Variants in PCDH9 observed in about 807,000 individuals in gnomAD.
The protein encoded by PCDH9 is protocadherin-9.
In PCDH9, 24 loss-of-function variants were observed where a neutral mutation model predicts 70.6. That is an observed-to-expected ratio of 0.34 (90% CI 0.25 to 0.48). The LOEUF (loss-of-function observed/expected upper bound fraction) is 0.48. PCDH9 is among the 20% of genes least tolerant of loss of function. The probability of loss-of-function intolerance (pLI) is 0.99; values close to 1 mark genes in which losing one functional copy is unlikely to be tolerated. For missense variants in PCDH9, 1,281 were observed against 1,503.6 expected, an observed-to-expected ratio of 0.85 and a Z score of 2.45; for synonymous variants, 562 against 558.5, an observed-to-expected ratio of 1.01 and a Z score of -0.09.
intron 2 of PCDH9, among the ~76,000 whole-genome samples, chr13:67,025,665 A>T (rs981707356): frequency 1.3e-5 from 2 of 152,126 alleles, no homozygotes; most frequent in African/African-American, 4.8e-5. Flanking sequence ...TGGGAGGAAG[A>T]GGAGGAAGAT....
chr13:67,113,653 C>T (rs975951859), intron 2 of PCDH9, among the ~76,000 whole-genome samples: 8 of 151,948 alleles, frequency 5.3e-5, no homozygotes, highest in Non-Finnish European at 1.2e-4. Context: ...GTTCCCGCCA[C>T]TCTCCTGCCT....
At chr13:66,344,583 G>C (rs962340119) in intron 4 of PCDH9, among the ~76,000 whole-genome samples, 6 of 152,134 alleles carry the variant, frequency 3.9e-5, no homozygotes, top group African/African-American at 1.4e-4. Flanking sequence ...TGCTACCCAA[G>C]TCTCAAGTTA....
chr13:66,596,825 A>G (rs1310177636), intron 4 of PCDH9, among the ~76,000 whole-genome samples: 4 of 148,352 alleles, frequency 2.7e-5, no homozygotes, highest in African/African-American at 4.9e-5. Flanking sequence ...AAAAAAAAAC[A>G]TGGCTTGAGT....
chr13:66,545,661 G>C (rs895285038), intron 4 of PCDH9, among the ~76,000 whole-genome samples: 1 of 152,052 alleles, frequency 6.6e-6, no homozygotes, highest in Non-Finnish European at 1.5e-5. Flanking sequence ...TCAATTGTTT[G>C]TGATGATGTT....
chr13:66,631,412 C>T lies in PCDH9; in HGVS notation c.3139-1G>A. On this transcript the variant is annotated splice_acceptor_variant, in intron 3 of 4. Coordinates refer to ENST00000377865, the MANE Select transcript of PCDH9 (RefSeq NM_203487.3). LOFTEE classifies it high-confidence loss of function. ...GATGAAACGTAACACGGCGCTGCGACTACAAAGAAGACCACAGGACATGCT... is the reference window on the plus strand; with the variant it reads ...GATGAAACGTAACACGGCGCTGCGATTACAAAGAAGACCACAGGACATGCT... 6.3e-7 allele frequency: 1 copy of T among 1,590,738 alleles called. No individual in the cohort carries two copies. Among genetic ancestry groups the T allele is most frequent in the Non-Finnish European group, 8.6e-7 (1 of 1,159,154 alleles).
At chr13:66,381,141 C>T (rs1956841797) in intron 4 of PCDH9, among the ~76,000 whole-genome samples, 1 of 152,210 alleles carries the variant, frequency 6.6e-6, no homozygotes, top group Non-Finnish European at 1.5e-5. Context: ...CTGAGACCAT[C>T]ATTTTGGCAA....
intron 2 of PCDH9, among the ~76,000 whole-genome samples, chr13:67,011,090 T>C (rs1413977669): frequency 6.6e-6 from 1 of 152,010 alleles, no homozygotes; most frequent in Admixed American, 6.6e-5. Context: ...CTATTAAATA[T>C]AGTGCCACAT....
rs1046242105 is a variant in PCDH9 at position 66,581,855 on chromosome 13, G to C, written c.3340+49355C>G. On this transcript the variant is annotated intron_variant, in intron 4 of 4. Coordinates refer to ENST00000377865, the MANE Select transcript of PCDH9 (RefSeq NM_203487.3). ...TACATAATAATACAAAACTTATACC[G>C]TCCACCAGTCATCCTATTTAGATCT... 2.0e-5 allele frequency among the ~76,000 whole-genome samples: 3 copies of C among 152,012 alleles called. No individual in the cohort carries two copies. In the South Asian group the frequency reaches 6.2e-4, roughly 32 times the overall value.
chr13:66,723,830 A>G (rs1308443462), intron 3 of PCDH9, among the ~76,000 whole-genome samples: 1 of 152,212 alleles, frequency 6.6e-6, no homozygotes, highest in East Asian at 1.9e-4. Context: ...AGAGCCCAGA[A>G]CCAAGGAGCA....
chr13:66,945,687 A>G (rs542403545), intron 2 of PCDH9, among the ~76,000 whole-genome samples: 1 of 152,154 alleles, frequency 6.6e-6, no homozygotes, highest in Non-Finnish European at 1.5e-5. Flanking sequence ...GGACTCTTGT[A>G]AAATATTTCA....
intron 4 of PCDH9, among the ~76,000 whole-genome samples, chr13:66,528,899 AT>A (rs1416933511): frequency 6.6e-6 from 1 of 152,094 alleles, no homozygotes; most frequent in Admixed American, 6.6e-5. Flanking sequence ...TTTTAAAAAA[AT>A]AACCTCTCAT....
At chr13:66,952,073 A>C (rs1333140683) in intron 2 of PCDH9, among the ~76,000 whole-genome samples, 1 of 152,080 alleles carries the variant, frequency 6.6e-6, no homozygotes, top group East Asian at 1.9e-4. Flanking sequence ...GTTTCTCTGA[A>C]TTTTGTTGTA....
intron 4 of PCDH9, among the ~76,000 whole-genome samples, chr13:66,560,442 G>A (rs757094011): frequency 1.3e-5 from 2 of 150,928 alleles, no homozygotes; most frequent in Non-Finnish European, 2.9e-5. Context: ...GTGCACTCTT[G>A]CTCCTCTCTT....
rs962137609 is a variant in PCDH9 at position 67,224,827 on chromosome 13, G to A, written c.3036+578C>T. On this transcript the variant is annotated intron_variant, in intron 2 of 4. Coordinates refer to ENST00000377865, the MANE Select transcript of PCDH9 (RefSeq NM_203487.3). Reference sequence around the variant, plus strand: ...TTAATATATTACAATAAAATAATTTGAAATCAAAGAGAAGACTTCCTATAT... The same window carrying A: ...TTAATATATTACAATAAAATAATTTAAAATCAAAGAGAAGACTTCCTATAT... 6.6e-6 allele frequency: 6 copies of A among 914,626 alleles called. No homozygotes were observed. The African/African-American group carries it at 1.1e-4, about 17-fold the overall frequency. 56.7% of individuals were successfully genotyped at this position (914,626 alleles called of 1,614,324 possible). A position where few individuals can be genotyped will look rare whatever the true frequency, so the allele number is the denominator to read the frequency against.
chr13:66,999,856 G>A (rs1456130112), intron 2 of PCDH9, among the ~76,000 whole-genome samples: 2 of 152,196 alleles, frequency 1.3e-5, no homozygotes, highest in Admixed American at 6.5e-5. Flanking sequence ...AGAGGATGTG[G>A]AGAAATAGGA....
rs367879976 is a variant in PCDH9, at chr13:66,459,409, G to A, written c.3341-154381C>T. ...AAACAGGTATTCTTTTCTTTCTTCC[G>A]AGTGGAAGCCAATGATTGCAATGCC... On this transcript the variant is annotated intron_variant, in intron 4 of 4. Coordinates refer to ENST00000377865, the MANE Select transcript of PCDH9 (RefSeq NM_203487.3). Among the ~76,000 whole-genome samples the A allele has an allele frequency of 1.1e-4, 17 of 151,966 alleles. No individual in the cohort carries two copies. The East Asian group carries it at 1.5e-3, about 14-fold the overall frequency.
At chr13:66,898,475 CT>C (rs1362874822) in intron 3 of PCDH9, among the ~76,000 whole-genome samples, 17 of 152,006 alleles carry the variant, frequency 1.1e-4, no homozygotes, top group Admixed American at 8.5e-4. Context: ...AGTTTTAAAG[CT>C]GATATCAACA....
At chr13:66,956,368 C>T (rs573263125) in intron 2 of PCDH9, among the ~76,000 whole-genome samples, 5 of 152,072 alleles carry the variant, frequency 3.3e-5, no homozygotes, top group East Asian at 3.9e-4. Flanking sequence ...ACTGAGCCCC[C>T]GACAATAATG....
intron 2 of PCDH9, among the ~76,000 whole-genome samples, chr13:67,022,988 A>T (rs1157461696): frequency 2.0e-5 from 3 of 152,164 alleles, no homozygotes; most frequent in Non-Finnish European, 2.9e-5. Flanking sequence ...ATACAAATTG[A>T]ATCTGAAAAT....
Sources: allele counts gnomAD v4.1 joint callset (sites outside exome capture counted in the v4.1 genomes callset), GRCh38; gene constraint gnomAD v4.1.1; transcripts MANE v1.5; gene names NCBI Gene and HGNC (gene_info 2026-07-23, HGNC 2026-07-21).